Variants in NR5A1 observed in about 807,000 individuals in gnomAD.
NR5A1 encodes nuclear receptor subfamily 5 group A member 1.
A neutral mutation model predicts 42.7 loss-of-function variants in NR5A1; 6 were observed. The observed-to-expected ratio is 0.14, with a 90% CI of 0.08 to 0.28. The LOEUF is 0.28. Ranked by LOEUF, NR5A1 falls within the 10% of genes least tolerant of loss-of-function variation. The probability of loss-of-function intolerance (pLI) is 1.00; values close to 1 mark genes in which losing one functional copy is unlikely to be tolerated. For missense variants in NR5A1, 442 were observed against 626.4 expected, an observed-to-expected ratio of 0.71 and a Z score of 3.14; for synonymous variants, 274 against 277.5, an observed-to-expected ratio of 0.99 and a Z score of 0.12.
chr9:124,500,592 C>G lies in NR5A1; in HGVS notation c.368G>C (p.Gly123Ala), dbSNP rs200163795. The G allele has an allele frequency of 1.8e-4, 285 of 1,612,350 alleles. 1 individual carries two copies. The African/African-American group carries it at 2.8e-3, about 16-fold the overall frequency. ...CGGCGGGGGCACCCCCATCGGGGGC[C>G]CTGTCTCCAGCTTGAAGCCATTGGC... ...IRANGFKLET[G>A]PPMGVPPPPP... is the part of the protein sequence containing the mutation. Residue 123 changes from glycine (G) to alanine (A), a missense_variant, in exon 4 of 7, where the codon GGG (glycine) becomes GCG (alanine). By Grantham distance (60) the Gly-to-Ala change is moderately conservative. Transcript: ENST00000373588. The surrounding 1 kb of genome is among the most constrained non-coding windows in gnomAD (Gnocchi z 6.9).
chr9:124,482,565 G>A lies in NR5A1; in HGVS notation c.*193C>T. 3.0e-6 allele frequency: 2 copies of A among 671,944 alleles called. No individual in the cohort carries two copies. Among genetic ancestry groups the A allele is most frequent in the East Asian group, 2.9e-5 (1 of 34,228 alleles). The allele number at this position is 671,944 out of a possible 1,614,324, so 41.6% of individuals were successfully genotyped here. On this transcript the variant is annotated 3_prime_UTR_variant, in exon 7 of 7. Coordinates refer to ENST00000373588, the MANE Select transcript of NR5A1 (RefSeq NM_004959.5). ...CCAGTGGCCACTCCACCTCCGCCAG[G>A]CCCTGCCCAGCCTCACCCACCTTCC... is the stretch of plus-strand genomic sequence containing the variant.
At position 124,500,958 on chromosome 9, in the gene NR5A1, C is replaced by G; in HGVS notation, c.245-243G>C. The G allele has an allele frequency of 1.4e-6, 1 of 722,682 alleles. No individual in the cohort carries two copies. The highest frequency in any genetic ancestry group is 2.6e-6 in the Non-Finnish European group (1 of 390,784). 44.8% of individuals were successfully genotyped at this position (722,682 alleles called of 1,614,324 possible). On this transcript the variant is annotated intron_variant, in intron 3 of 6. Transcript: ENST00000373588. The surrounding 1 kb of genome is among the most constrained non-coding windows in gnomAD (Gnocchi z 6.9). Reference sequence around the variant, plus strand: ...CTCCACCGAACTCACCTCCACTCCTCTGTTTGACACATCTCCTTCCTCCTC... The same window carrying G: ...CTCCACCGAACTCACCTCCACTCCTGTGTTTGACACATCTCCTTCCTCCTC...
At position 124,500,590 on chromosome 9, in the gene NR5A1, G is replaced by C. The variant is rs777629132; in HGVS notation, c.370C>G (p.Pro124Ala). The C allele has an allele frequency of 6.2e-7, 1 of 1,612,232 alleles. No homozygotes were observed. The highest frequency in any genetic ancestry group is 8.5e-7 in the Non-Finnish European group (1 of 1,179,960). Residue 124 changes from proline (P) to alanine (A), a missense_variant, in exon 4 of 7, where the codon CCC (proline) becomes GCC (alanine). Coordinates refer to ENST00000373588, the MANE Select transcript of NR5A1 (RefSeq NM_004959.5). This position sits in a 1 kb window ranked among gnomAD's most constrained non-coding sequence, Gnocchi z 6.9. ...RANGFKLETG[P>A]PMGVPPPPPP... ...GGCGGCGGGGGCACCCCCATCGGGG[G>C]CCCTGTCTCCAGCTTGAAGCCATTG... is the stretch of plus-strand genomic sequence containing the variant.
intron 6 of NR5A1, among the ~76,000 whole-genome samples, chr9:124,485,325 C>T (rs368347485): frequency 2.6e-5 from 4 of 152,146 alleles, no homozygotes; most frequent in East Asian, 1.9e-4. Context: ...CCTGCAGCTG[C>T]GGGGGCGTCC....
intron 5 of NR5A1, among the ~76,000 whole-genome samples, chr9:124,492,156 C>T (rs1222747193): frequency 1.3e-5 from 2 of 152,054 alleles, no homozygotes; most frequent in African/African-American, 4.8e-5. Flanking sequence ...CACCCACCGA[C>T]CCCACGGCCC....
intron 1 of NR5A1, among the ~76,000 whole-genome samples, chr9:124,506,040 C>T (rs1832553008): frequency 6.6e-6 from 1 of 152,222 alleles, no homozygotes; most frequent in Non-Finnish European, 1.5e-5. Flanking sequence ...TTGACAGCGG[C>T]GCAACCCACC....
In NR5A1 at chr9:124,503,527, G is replaced by A; in HGVS notation, c.-15-117C>T. On this transcript the variant is annotated intron_variant, in intron 1 of 6. Transcript: ENST00000373588. This position sits in a 1 kb window ranked among gnomAD's most constrained non-coding sequence, Gnocchi z 9.6. ...CGCGTAATCCCCTCTCTGTGCCCAG[G>A]CGCTGCCGCCGGCACCCACCGAGCG... The A allele has an allele frequency of 1.2e-6, 1 of 805,702 alleles. No homozygotes were observed. Among genetic ancestry groups the A allele is most frequent in the Non-Finnish European group, 1.8e-6 (1 of 548,344 alleles). 49.9% of individuals were successfully genotyped at this position (805,702 alleles called of 1,614,324 possible).
intron 6 of NR5A1, among the ~76,000 whole-genome samples, chr9:124,486,235 G>A (rs1052298042): frequency 6.6e-6 from 1 of 152,192 alleles, no homozygotes; most frequent in African/African-American, 2.4e-5. Flanking sequence ...AGGGCCGGGG[G>A]AGGGAAGCAC....
intron 1 of NR5A1, among the ~76,000 whole-genome samples, chr9:124,504,155 A>G (rs1371139343): frequency 2.0e-5 from 3 of 152,164 alleles, no homozygotes; most frequent in Non-Finnish European, 4.4e-5. Flanking sequence ...ACTGACGCAG[A>G]GCCAGAGACA....
chr9:124,487,544 C>T (rs930031984), intron 6 of NR5A1, among the ~76,000 whole-genome samples: 12 of 152,274 alleles, frequency 7.9e-5, no homozygotes, highest in Admixed American at 6.5e-5. Flanking sequence ...TACCTGCCTC[C>T]GCGCCCTCCC....
Position 124,482,717 on chromosome 9 carries a change from C to A in NR5A1, c.*41G>T, listed in dbSNP as rs563606221. On this transcript the variant is annotated 3_prime_UTR_variant, in exon 7 of 7. Coordinates refer to ENST00000373588, the MANE Select transcript of NR5A1 (RefSeq NM_004959.5). ...CTGCGGCCCCGCCCAGGCCCCGCCC[C>A]CAGTCCCGCCCCCAGTCCCGGCCCC... 21 of 828,404 alleles carry A rather than the reference C, an allele frequency of 2.5e-5. No homozygotes were observed. Among genetic ancestry groups the A allele is most frequent in the Non-Finnish European group, 4.0e-5 (21 of 524,870 alleles). 51.3% of individuals were successfully genotyped at this position (828,404 alleles called of 1,614,324 possible).
chr9:124,493,805 G>A (rs968945557), intron 4 of NR5A1, among the ~76,000 whole-genome samples: 8 of 152,224 alleles, frequency 5.3e-5, no homozygotes, highest in African/African-American at 1.9e-4. Context: ...GGCTGATTCC[G>A]AATGCCCAGG....
intron 4 of NR5A1, 21 bp from the exon 5 acceptor site, chr9:124,493,170 G>A (rs368543352): frequency 3.1e-6 from 5 of 1,604,108 alleles, no homozygotes; most frequent in Non-Finnish European, 4.3e-6. Flanking sequence ...GAGGCACGCG[G>A]GGGGCCGGGC....
At chr9:124,495,538 C>T (rs1382579519) in intron 4 of NR5A1, among the ~76,000 whole-genome samples, 4 of 152,176 alleles carry the variant, frequency 2.6e-5, no homozygotes, top group Non-Finnish European at 4.4e-5. Context: ...GAAGGAGGGG[C>T]CTGCCCAGGG....
chr9:124,488,232 G>A lies in NR5A1; in HGVS notation c.1138+2849C>T, dbSNP rs1221174791. Among the ~76,000 whole-genome samples the A allele has an allele frequency of 3.3e-5, 5 of 152,198 alleles. No individual in the cohort carries two copies. In the East Asian group the frequency reaches 9.7e-4, roughly 29 times the overall value. ...GGAAGCCTTCCCGGATAGCCAAGTG[G>A]TGCTGGTTTCTCCCCTCTGACCCAA... On this transcript the variant is annotated intron_variant, in intron 6 of 6. Coordinates refer to ENST00000373588, the MANE Select transcript of NR5A1 (RefSeq NM_004959.5).
intron 4 of NR5A1, among the ~76,000 whole-genome samples, chr9:124,493,841 G>A (rs1588618979): frequency 6.6e-6 from 1 of 152,320 alleles, no homozygotes; most frequent in South Asian, 2.1e-4. Context: ...CTCGGTGCAG[G>A]GGCAGGGCCA....
In NR5A1 at chr9:124,481,469, G is replaced by GACGGA. The variant is rs1319987058; in HGVS notation, c.*1284_*1288dup. 1 of 152,282 alleles carries GACGGA rather than the reference G, an allele frequency of 6.6e-6. No homozygotes were observed. The highest frequency in any genetic ancestry group is 1.5e-5 in the Non-Finnish European group (1 of 68,124). 9.4% of individuals were successfully genotyped at this position (152,282 alleles called of 1,614,324 possible). The stretch of plus-strand genomic sequence containing the variant: ...AGCTGCAACAGTAACATGAAAGCGG[G>GACGGA]ACGGACAGCAGGCACCCCGCCGGGG... On this transcript the variant is annotated 3_prime_UTR_variant, in exon 7 of 7. Coordinates refer to ENST00000373588, the MANE Select transcript of NR5A1 (RefSeq NM_004959.5).
chr9:124,500,055 G>A lies in NR5A1; in HGVS notation c.870+35C>T, dbSNP rs772307956. On this transcript the variant is annotated intron_variant, in intron 4 of 6. Transcript: ENST00000373588. This position sits in a 1 kb window ranked among gnomAD's most constrained non-coding sequence, Gnocchi z 6.9. ...AGGCTTGGGCAGCCGGGAGGACCAT[G>A]ATGCAGGGCCAGCCGGGCGGGAGGA... The A allele has an allele frequency of 1.9e-6, 3 of 1,613,028 alleles. No individual in the cohort carries two copies. The highest frequency in any genetic ancestry group is 2.2e-5 in the South Asian group (2 of 91,064).
At chr9:124,483,136 A>G in intron 6 of NR5A1, 131 bp from the exon 7 acceptor site, 1 of 1,585,728 alleles carries the variant, frequency 6.3e-7, no homozygotes, top group African/African-American at 1.3e-5. Context: ...GCTGCCACCA[A>G]CCATGCAACA....
Sources: gnomAD v4.1 joint callset for allele counts (sites outside exome capture counted in the v4.1 genomes callset) on GRCh38, gnomAD v4.1.1 for gene constraint, Gnocchi (gnomAD v3.1) non-coding constraint, MANE v1.5 for transcripts, NCBI Gene and HGNC (gene_info 2026-07-23, HGNC 2026-07-21) for gene names.